The following HS6ST3 variants were observed in gnomAD, a reference collection of about 807,000 sequenced individuals.
HS6ST3 encodes the protein heparan sulfate 6-O-sulfotransferase 3.
HS6ST3 carries 12 observed loss-of-function variants against 36.7 expected under a neutral mutation model. The observed-to-expected ratio is 0.33, with a 90% confidence interval of 0.21 to 0.53. The LOEUF (loss-of-function observed/expected upper bound fraction) is 0.53, where lower values mean the gene tolerates loss of function less well. Among genes scored for constraint, HS6ST3 ranks in the 20% least tolerant of loss-of-function variants. The probability of loss-of-function intolerance (pLI) is 0.95; values close to 1 mark genes in which losing one functional copy is unlikely to be tolerated. For missense variants in HS6ST3, 584 were observed against 640.9 expected (o/e 0.91, Z 0.96); for synonymous variants, 240 against 257.5 (o/e 0.93, Z 0.65).
At chr13:96,451,443 A>T (rs2055727638) in intron 1 of HS6ST3, among the ~76,000 whole-genome samples, 1 of 152,202 alleles carries the variant, frequency 6.6e-6, no homozygotes, top group Non-Finnish European at 1.5e-5. Context: ...AAAATGCTTT[A>T]TCTTAGCTTT....
chr13:96,350,590 C>T (rs371487812), intron 1 of HS6ST3, among the ~76,000 whole-genome samples: 17 of 152,266 alleles, frequency 1.1e-4, no homozygotes, highest in African/African-American at 2.4e-4. Flanking sequence ...CAGTATAAGG[C>T]GCTAGATGTT....
intron 1 of HS6ST3, among the ~76,000 whole-genome samples, chr13:96,667,045 C>T (rs1261870408): frequency 6.6e-6 from 1 of 152,106 alleles, no homozygotes; most frequent in Non-Finnish European, 1.5e-5. Context: ...AAGATAAACA[C>T]CACACGTCCC....
chr13:96,594,059 G>A (rs774732407), intron 1 of HS6ST3, among the ~76,000 whole-genome samples: 8 of 151,448 alleles, frequency 5.3e-5, no homozygotes, highest in Non-Finnish European at 7.4e-5. Context: ...CACAACCTCC[G>A]CCTCCTGGGT....
chr13:96,323,767 G>T (rs1387411172), intron 1 of HS6ST3, among the ~76,000 whole-genome samples: 2 of 152,048 alleles, frequency 1.3e-5, no homozygotes, highest in African/African-American at 4.8e-5. Context: ...TTTATTTTGT[G>T]CAACAATTAT....
chr13:96,594,378 ATCT>A (rs2056394207), intron 1 of HS6ST3, among the ~76,000 whole-genome samples: 1 of 151,732 alleles, frequency 6.6e-6, no homozygotes, highest in African/African-American at 2.4e-5. Flanking sequence ...TGTTTTGTAG[ATCT>A]TCTTTTCTTT....
intron 1 of HS6ST3, among the ~76,000 whole-genome samples, chr13:96,175,540 T>C (rs1207726840): frequency 6.6e-6 from 1 of 152,092 alleles, no homozygotes; most frequent in Non-Finnish European, 1.5e-5. Context: ...TTTGTTCTTT[T>C]TTTTCCCTGA....
At chr13:96,205,359 C>T (rs149199758) in intron 1 of HS6ST3, among the ~76,000 whole-genome samples, 1 of 152,090 alleles carries the variant, frequency 6.6e-6, no homozygotes, top group Non-Finnish European at 1.5e-5. Context: ...AAAAAAAGCC[C>T]AGGATCATCC....
chr13:96,607,879 G>T (rs1007783780), intron 1 of HS6ST3, among the ~76,000 whole-genome samples: 3 of 152,152 alleles, frequency 2.0e-5, no homozygotes, highest in Non-Finnish European at 2.9e-5. Context: ...AACCTCAAGA[G>T]AAATTTTATT....
chr13:96,486,769 T>C (rs749326838), intron 1 of HS6ST3, among the ~76,000 whole-genome samples: 66 of 152,140 alleles, frequency 4.3e-4, no homozygotes, highest in Non-Finnish European at 5.7e-4. Context: ...ATTGGAGGTA[T>C]AGCACGATTA....
chr13:96,303,985 A>G (rs771571832), intron 1 of HS6ST3, among the ~76,000 whole-genome samples: 1 of 152,078 alleles, frequency 6.6e-6, no homozygotes, highest in Non-Finnish European at 1.5e-5. Flanking sequence ...TTTACTAAAA[A>G]TACAAAAATT....
chr13:96,669,868 G>A (rs2056677321), intron 1 of HS6ST3, among the ~76,000 whole-genome samples: 1 of 152,114 alleles, frequency 6.6e-6, no homozygotes, highest in African/African-American at 2.4e-5. Flanking sequence ...GAGAACATGA[G>A]TGGGTTTTGA....
intron 1 of HS6ST3, among the ~76,000 whole-genome samples, chr13:96,652,008 A>G (rs1430491750): frequency 6.6e-6 from 1 of 152,094 alleles, no homozygotes; most frequent in Non-Finnish European, 1.5e-5. Context: ...AATACCTGAT[A>G]TATAGTCTCA....
At chr13:96,589,250 A>G (rs138585309) in intron 1 of HS6ST3, among the ~76,000 whole-genome samples, 62 of 152,074 alleles carry the variant, frequency 4.1e-4, no homozygotes, top group African/African-American at 1.3e-3. Context: ...TAAATTTTCT[A>G]TTTCTTCATA....
At chr13:96,120,358 T>G (rs2053919461) in intron 1 of HS6ST3, among the ~76,000 whole-genome samples, 1 of 152,248 alleles carries the variant, frequency 6.6e-6, no homozygotes, top group South Asian at 2.1e-4. Flanking sequence ...ATAAAGGGAC[T>G]GTGCAGCTTT....
chr13:96,348,592 T>A (rs1027455622), intron 1 of HS6ST3, among the ~76,000 whole-genome samples: 12 of 152,164 alleles, frequency 7.9e-5, no homozygotes, highest in Admixed American at 1.3e-4. Flanking sequence ...AACTGTTAAA[T>A]GTTGTGTTGT....
At chr13:96,765,835 A>G (rs1188337816) in intron 1 of HS6ST3, among the ~76,000 whole-genome samples, 4 of 152,066 alleles carry the variant, frequency 2.6e-5, no homozygotes, top group Non-Finnish European at 5.9e-5. Context: ...TCTCAGAAAG[A>G]GATGAGGACA....
At chr13:96,179,531 G>C (rs569859872) in intron 1 of HS6ST3, among the ~76,000 whole-genome samples, 37 of 152,282 alleles carry the variant, frequency 2.4e-4, no homozygotes, top group African/African-American at 7.9e-4. Context: ...TGGGCCCACT[G>C]TGGGGAACAA....
At chr13:96,171,212 C>T (rs960418346) in intron 1 of HS6ST3, among the ~76,000 whole-genome samples, 2 of 152,192 alleles carry the variant, frequency 1.3e-5, no homozygotes, top group African/African-American at 4.8e-5. Flanking sequence ...TGGTTGAGAA[C>T]AAAGTACCCA....
chr13:96,574,445 T>C, intron 1 of HS6ST3: 1 of 482,428 alleles, frequency 2.1e-6, no homozygotes, highest in East Asian at 5.1e-5. Flanking sequence ...TATTGCTTAT[T>C]GACAGCACTG....
Sources: allele counts gnomAD v4.1 joint callset (sites outside exome capture counted in the v4.1 genomes callset), GRCh38; gene constraint gnomAD v4.1.1; transcripts MANE v1.5; gene names NCBI Gene and HGNC (gene_info 2026-07-23, HGNC 2026-07-21).